The following ETV6 variants were observed in gnomAD, a reference collection of about 807,000 sequenced individuals.
ETV6 encodes ETS variant transcription factor 6, also known as transcription factor ETV6.
ETV6 carries 16 observed loss-of-function variants against 51.1 expected under a neutral mutation model. The observed-to-expected ratio is 0.31, with a 90% confidence interval of 0.21 to 0.48. The LOEUF is 0.48. Ranked by LOEUF, ETV6 falls within the 20% of genes least tolerant of loss-of-function variation. ETV6 has a pLI of 0.99. For synonymous variants in ETV6, 240 were observed against 224.1 expected, an observed-to-expected ratio of 1.07 and a Z score of -0.64; for missense variants, 458 against 594.8, an observed-to-expected ratio of 0.77 and a Z score of 2.39.
intron 2 of ETV6, among the ~76,000 whole-genome samples, chr12:11,781,744 T>G (rs1224535008): frequency 6.6e-6 from 1 of 152,236 alleles, no homozygotes; most frequent in African/African-American, 2.4e-5. Flanking sequence ...TTAACCCTAT[T>G]ACGTTTTATT....
chr12:11,752,620 G>A lies in ETV6; in HGVS notation c.163+41G>A, dbSNP rs576438673. ...CCGAGAGGGACAGAGGATTGATGGC[G>A]TGGGGCGGGGGTGGCAGGCAGTGGG... On this transcript the variant is annotated intron_variant, in intron 2 of 7. Transcript: ENST00000396373. 87 of 1,581,820 alleles carry A rather than the reference G, an allele frequency of 5.5e-5. 1 individual carries two copies. The South Asian group carries it at 6.3e-4, about 11-fold the overall frequency.
At chr12:11,858,054 A>C (rs1946658173) in intron 4 of ETV6, among the ~76,000 whole-genome samples, 1 of 152,208 alleles carries the variant, frequency 6.6e-6, no homozygotes, top group South Asian at 2.1e-4. Context: ...CCTTATTCAG[A>C]ACTTCAGATA....
intron 2 of ETV6, among the ~76,000 whole-genome samples, chr12:11,821,999 G>A (rs746729960): frequency 1.4e-4 from 21 of 152,172 alleles, no homozygotes; most frequent in Admixed American, 2.0e-4. Flanking sequence ...CCTTGCATCC[G>A]CTGTTCCTCT....
chr12:11,868,340 C>T (rs904246428), intron 4 of ETV6, among the ~76,000 whole-genome samples: 1 of 151,996 alleles, frequency 6.6e-6, no homozygotes, highest in Non-Finnish European at 1.5e-5. Context: ...CTTCTTTACG[C>T]CTCAGTTTTA....
At chr12:11,727,672 G>A (rs986751694) in intron 1 of ETV6, among the ~76,000 whole-genome samples, 39 of 138,074 alleles carry the variant, frequency 2.8e-4, no homozygotes, top group Admixed American at 5.7e-4. Flanking sequence ...TGCAGCCAGC[G>A]TTACAGCACA....
chr12:11,796,081 G>A (rs1197088021), intron 2 of ETV6, among the ~76,000 whole-genome samples: 5 of 152,060 alleles, frequency 3.3e-5, no homozygotes, highest in African/African-American at 1.2e-4. Flanking sequence ...ACATTCTTTA[G>A]ATTTTTCCCT....
chr12:11,728,844 T>G (rs1292609599), intron 1 of ETV6, among the ~76,000 whole-genome samples: 3 of 152,244 alleles, frequency 2.0e-5, no homozygotes, highest in South Asian at 2.1e-4. Flanking sequence ...TTTTTCTAAT[T>G]GAGCCTTTTT....
intron 3 of ETV6, among the ~76,000 whole-genome samples, chr12:11,847,861 A>G (rs1187698981): frequency 6.6e-6 from 1 of 152,196 alleles, no homozygotes; most frequent in Non-Finnish European, 1.5e-5. Flanking sequence ...ACAGGAAAAA[A>G]ACTTGAAACT....
intron 1 of ETV6, among the ~76,000 whole-genome samples, chr12:11,684,837 T>G (rs1265009516): frequency 6.6e-6 from 1 of 152,196 alleles, no homozygotes; most frequent in Admixed American, 6.5e-5. Context: ...AAGTAAAGCC[T>G]TGGTGTTATA....
intron 2 of ETV6, among the ~76,000 whole-genome samples, chr12:11,813,384 AC>A (rs1279921496): frequency 3.9e-5 from 6 of 152,174 alleles, no homozygotes; most frequent in Admixed American, 1.3e-4. Flanking sequence ...TGTCTGAGCA[AC>A]CCAGCTCTTG....
chr12:11,836,758 A>G (rs74060877), intron 2 of ETV6, among the ~76,000 whole-genome samples: 27 of 151,832 alleles, frequency 1.8e-4, no homozygotes, highest in Admixed American at 1.2e-3. Context: ...TTTACTCTCA[A>G]TTCCCCTCCC....
chr12:11,825,052 C>G (rs1489081405), intron 2 of ETV6, among the ~76,000 whole-genome samples: 1 of 152,130 alleles, frequency 6.6e-6, no homozygotes, highest in Admixed American at 6.5e-5. Flanking sequence ...AATAGCATCC[C>G]TCAAGAAAGC....
intron 2 of ETV6, among the ~76,000 whole-genome samples, chr12:11,830,715 C>T (rs995043508): frequency 6.6e-6 from 1 of 152,192 alleles, no homozygotes; most frequent in African/African-American, 2.4e-5. Flanking sequence ...TGCCAGGCAC[C>T]GTGTGCAAAT....
At chr12:11,886,051 C>A in intron 7 of ETV6, 25 bp downstream of exon 7, 1 of 1,530,640 alleles carries the variant, frequency 6.5e-7, no homozygotes. Flanking sequence ...TTCTCCTTTC[C>A]TTCTTTTGGG....
chr12:11,819,162 A>G (rs563768678), intron 2 of ETV6, among the ~76,000 whole-genome samples: 2 of 152,200 alleles, frequency 1.3e-5, no homozygotes, highest in South Asian at 2.1e-4. Flanking sequence ...AGTTCTCCAC[A>G]TGGTGTCCTC....
rs148910631 is a variant in ETV6, at chr12:11,822,300, A to G, written c.164-16840A>G. On this transcript the variant is annotated intron_variant, in intron 2 of 7. Transcript: ENST00000396373. ...GTAGTGATGGGAATTCCCCTGGCAC[A>G]TGGCCAGGTGAGATGATCATTCAGC... Among the ~76,000 whole-genome samples the G allele has an allele frequency of 7.9e-4, 120 of 152,326 alleles. 2 individuals carry two copies. The East Asian group carries it at 0.022, about 28-fold the overall frequency.
intron 1 of ETV6, among the ~76,000 whole-genome samples, chr12:11,689,654 G>T (rs1380318223): frequency 6.6e-6 from 1 of 152,042 alleles, no homozygotes; most frequent in African/African-American, 2.4e-5. Flanking sequence ...TGAAATTTCA[G>T]GTTAGGGGCT....
In ETV6 at chr12:11,873,647, C is replaced by A. The variant is rs138854817; in HGVS notation, c.1009+3678C>A. Among the ~76,000 whole-genome samples the A allele has an allele frequency of 6.2e-5, 7 of 112,658 alleles. 3 individuals carry two copies. The highest frequency in any genetic ancestry group is 1.7e-4 in the African/African-American group (5 of 29,166). 73.9% of individuals were successfully genotyped at this position (112,658 alleles called of 152,430 possible). ...ATCACAAAATGAAGCTAAATTCTTA[C>A]TATTCAGATATGATTTGTTCAGGTG... On this transcript the variant is annotated intron_variant, in intron 5 of 7. Transcript: ENST00000396373.
At chr12:11,854,813 A>C (rs1413647898) in intron 4 of ETV6, among the ~76,000 whole-genome samples, 1 of 152,170 alleles carries the variant, frequency 6.6e-6, no homozygotes, top group Non-Finnish European at 1.5e-5. Flanking sequence ...CTATGAACTC[A>C]GTGTTGGGCC....
Sources: gnomAD v4.1 joint callset for allele counts (sites outside exome capture counted in the v4.1 genomes callset) on GRCh38, gnomAD v4.1.1 for gene constraint, MANE v1.5 for transcripts, NCBI Gene and HGNC (gene_info 2026-07-23, HGNC 2026-07-21) for gene names.